CUBN: variants seen among roughly 807,000 people sequenced by gnomAD.
CUBN encodes the protein cubilin.
A neutral mutation model predicts 405.3 loss-of-function variants in CUBN; 282 were observed. That is an observed-to-expected ratio of 0.70 (90% CI 0.63 to 0.77). The LOEUF is 0.77. Among genes scored for constraint, CUBN ranks in the 30% least tolerant of loss-of-function variants. The pLI is 0.00. For synonymous variants in CUBN, 1,684 were observed against 1,617.0 expected (o/e 1.04, Z -0.99); for missense variants, 4,514 against 4,475.2 (o/e 1.01, Z -0.25).
intron 59 of CUBN, among the ~76,000 whole-genome samples, chr10:16,856,061 A>G (rs1295226383): frequency 6.6e-6 from 1 of 152,202 alleles, no homozygotes; most frequent in East Asian, 1.9e-4. Flanking sequence ...TGGTGGGGGA[A>G]TATAAACAAG....
In CUBN at chr10:16,913,918, G is replaced by C. The variant is rs774063108; in HGVS notation, c.7426C>G (p.Arg2476Gly). ...PNYPNPNPHG[R>G]ICEWRITAPE... ...GCAGTGATTCTCCACTCGCAGATCC[G>C]GCCATGAGGATTTGGGTTCGGGTAG... is the stretch of plus-strand genomic sequence containing the variant. The change falls in exon 48 of 67, where the codon CGG becomes GGG. Residue 2476 changes from arginine (R) to glycine (G), a missense_variant. By Grantham distance (125) the Arg-to-Gly change is moderately radical (BLOSUM62 -2). Around this residue, in one of 5 missense-constraint regions of CUBN, gnomAD observed 1,613 missense variants for 1,542.8 expected, o/e 1.05. Transcript: ENST00000377833. 3.1e-6 allele frequency: 5 copies of C among 1,614,038 alleles called. No homozygotes were observed. Among genetic ancestry groups the C allele is most frequent in the South Asian group, 2.2e-5 (2 of 91,070 alleles).
At chr10:16,968,114 T>C (rs901594714) in intron 31 of CUBN, among the ~76,000 whole-genome samples, 3 of 152,210 alleles carry the variant, frequency 2.0e-5, no homozygotes, top group Non-Finnish European at 4.4e-5. Flanking sequence ...ATCATCTCTT[T>C]GAAACCCAGA....
At position 16,931,920 on chromosome 10, in the gene CUBN, T is replaced by A. The variant is rs370106677; in HGVS notation, c.6124+1167A>T. Among the ~76,000 whole-genome samples, 22 of 152,368 alleles carry A rather than the reference T, an allele frequency of 1.4e-4. No homozygotes were observed. In the South Asian group the frequency reaches 4.4e-3, roughly 30 times the overall value. On this transcript the variant is annotated intron_variant, in intron 40 of 66. Coordinates refer to ENST00000377833, the MANE Select transcript of CUBN (RefSeq NM_001081.4). ...TTTTTTCAAAGATATTTTTTAAAAC[T>A]TCTAGTAGGTTCTGAACACTAGAAT...
intron 12 of CUBN, among the ~76,000 whole-genome samples, chr10:17,103,977 A>C (rs916121676): frequency 2.0e-5 from 3 of 152,160 alleles, no homozygotes; most frequent in African/African-American, 7.2e-5. Flanking sequence ...ATTGAGTGAG[A>C]CTTGGTTATA....
chr10:16,911,669 C>T (rs555862287), intron 48 of CUBN, among the ~76,000 whole-genome samples: 1 of 152,128 alleles, frequency 6.6e-6, no homozygotes, highest in Non-Finnish European at 1.5e-5. Context: ...TGTGAATACT[C>T]TGCTTGTAAA....
At chr10:17,039,151 T>C (rs1472187375) in intron 27 of CUBN, among the ~76,000 whole-genome samples, 1 of 152,166 alleles carries the variant, frequency 6.6e-6, no homozygotes, top group African/African-American at 2.4e-5. Context: ...GCTTTCTCCA[T>C]TACGCTTTAC....
chr10:16,969,361 A>T (rs1005772280), intron 31 of CUBN, among the ~76,000 whole-genome samples: 3 of 148,452 alleles, frequency 2.0e-5, no homozygotes, highest in African/African-American at 2.5e-5. Flanking sequence ...TTACTGCTCC[A>T]TTTTTTTTTT....
chr10:17,030,071 C>T (rs971710050), intron 27 of CUBN, among the ~76,000 whole-genome samples: 2 of 152,186 alleles, frequency 1.3e-5, no homozygotes, highest in Non-Finnish European at 2.9e-5. Flanking sequence ...AGGTTGCGTG[C>T]TCCTTATGAG....
intron 4 of CUBN, among the ~76,000 whole-genome samples, chr10:17,124,092 G>A (rs190327720): frequency 1.5e-3 from 233 of 152,258 alleles, no homozygotes; most frequent in African/African-American, 5.3e-3. Flanking sequence ...TTATTTTACC[G>A]GTGATTCTTA....
At chr10:16,962,639 T>C (rs73596218) in intron 31 of CUBN, among the ~76,000 whole-genome samples, 17,256 of 152,150 alleles carry the variant, frequency 0.11, 1,447 homozygotes, top group African/African-American at 0.24. Context: ...TCCTGCCCTC[T>C]TGCTAGCACT....
intron 14 of CUBN, among the ~76,000 whole-genome samples, chr10:17,088,740 A>G (rs1053228598): frequency 1.4e-4 from 22 of 152,252 alleles, no homozygotes; most frequent in African/African-American, 5.1e-4. Flanking sequence ...AGCAAACCAG[A>G]TCACTTTGCA....
chr10:16,831,605 C>A (rs527476962), intron 64 of CUBN, among the ~76,000 whole-genome samples, 188 bp from the exon 65 acceptor site: 2 of 152,174 alleles, frequency 1.3e-5, no homozygotes, highest in African/African-American at 4.8e-5. Flanking sequence ...AAATGTTCCA[C>A]GTGTAGATCA....
intron 54 of CUBN, among the ~76,000 whole-genome samples, chr10:16,892,091 T>C (rs556552000): frequency 1.3e-5 from 2 of 152,298 alleles, no homozygotes. Context: ...ACATTTCTAT[T>C]GGGAAATCAG....
At chr10:16,991,635 T>C (rs1359073172) in intron 28 of CUBN, among the ~76,000 whole-genome samples, 4 of 151,712 alleles carry the variant, frequency 2.6e-5, no homozygotes, top group African/African-American at 4.8e-5. Flanking sequence ...TTTTCTGTTT[T>C]TTTTTTTTTT....
chr10:16,848,678 G>GTC (rs1406492482), intron 60 of CUBN, among the ~76,000 whole-genome samples: 1 of 121,696 alleles, frequency 8.2e-6, no homozygotes, highest in African/African-American at 2.9e-5. Context: ...AGTCATTTTG[G>GTC]TCTCTCCCAG....
At chr10:16,912,401 A>G (rs1841758358) in intron 48 of CUBN, among the ~76,000 whole-genome samples, 1 of 152,206 alleles carries the variant, frequency 6.6e-6, no homozygotes, top group Non-Finnish European at 1.5e-5. Flanking sequence ...CCAGCAGTGA[A>G]TGAAACTGTG....
intron 56 of CUBN, among the ~76,000 whole-genome samples, chr10:16,885,914 T>C (rs1266703408): frequency 6.6e-6 from 1 of 152,120 alleles, no homozygotes; most frequent in Non-Finnish European, 1.5e-5. Flanking sequence ...AAGAAGAAAA[T>C]AAGCATCTCG....
intron 22 of CUBN, among the ~76,000 whole-genome samples, chr10:17,049,847 A>G (rs1364435468): frequency 1.3e-5 from 2 of 152,338 alleles, no homozygotes; most frequent in South Asian, 4.1e-4. Context: ...TTTTATGCAA[A>G]TAGCAATTTG....
At chr10:16,987,417 T>C (rs1156836236) in intron 29 of CUBN, among the ~76,000 whole-genome samples, 2 of 152,174 alleles carry the variant, frequency 1.3e-5, no homozygotes, top group Non-Finnish European at 2.9e-5. Flanking sequence ...AAGCCTATGG[T>C]TTTAATCTGT....
Sources: allele counts gnomAD v4.1 joint callset (sites outside exome capture counted in the v4.1 genomes callset), GRCh38; gene constraint gnomAD v4.1.1; regional missense constraint gnomAD v4.1.1; transcripts MANE v1.5; gene names NCBI Gene and HGNC (gene_info 2026-07-23, HGNC 2026-07-21).